Variants in NSUN7 observed in about 807,000 individuals in gnomAD.
NSUN7 encodes protein NSUN7.
NSUN7 carries 39 observed loss-of-function variants against 58.5 expected under a neutral mutation model. The ratio of observed to expected loss-of-function variants is 0.67; its 90% CI spans 0.52 to 0.87. The LOEUF (loss-of-function observed/expected upper bound fraction) is 0.87, where lower values mean the gene tolerates loss of function less well. Ranked by LOEUF, NSUN7 falls within the 40% of genes least tolerant of loss-of-function variation. The pLI is 0.00. For missense variants in NSUN7, 765 were observed against 844.1 expected (o/e 0.91, Z 1.16); for synonymous variants, 278 against 303.7 (o/e 0.92, Z 0.88).
chr4:40,776,200 T>G lies in NSUN7; in HGVS notation c.977T>G (p.Val326Gly), dbSNP rs1221770889. The change falls in exon 7 of 12, where the codon GTA becomes GGA. Residue 326 changes from valine to glycine, a missense_variant. Val to Gly is a moderately radical substitution (Grantham distance 109). Coordinates refer to ENST00000381782, the MANE Select transcript of NSUN7 (RefSeq NM_024677.6). Reference sequence around the variant, plus strand: ...ACCTCAAAAGTATTTGTGTGTGGAGTACAATCACAAGCTAAGGATCCTGAC... The same window carrying G: ...ACCTCAAAAGTATTTGTGTGTGGAGGACAATCACAAGCTAAGGATCCTGAC... ...NNTSKVFVCG[V>G]QSQAKDPDLK... is the part of the protein sequence containing the mutation. 1 of 1,612,204 alleles carries G rather than the reference T, an allele frequency of 6.2e-7. No individual in the cohort carries two copies.
chr4:40,790,160 T>C (rs1373775935), intron 7 of NSUN7, among the ~76,000 whole-genome samples: 2 of 146,484 alleles, frequency 1.4e-5, no homozygotes, highest in East Asian at 4.2e-4. Flanking sequence ...TGCTATATAA[T>C]AGACAGCACG....
intron 7 of NSUN7, among the ~76,000 whole-genome samples, chr4:40,777,120 G>T (rs1023372390): frequency 6.6e-6 from 1 of 152,058 alleles, no homozygotes; most frequent in African/African-American, 2.4e-5. Flanking sequence ...GATTTCACTT[G>T]GAGTCCCGAA....
intron 7 of NSUN7, among the ~76,000 whole-genome samples, chr4:40,784,663 G>A (rs1742725773): frequency 6.6e-6 from 1 of 152,184 alleles, no homozygotes; most frequent in Non-Finnish European, 1.5e-5. Flanking sequence ...ATGAGTATGG[G>A]GTTTCTCTTG....
At chr4:40,786,004 A>G in intron 7 of NSUN7, 1 of 1,401,938 alleles carries the variant, frequency 7.1e-7, no homozygotes, top group Non-Finnish European at 9.5e-7. Flanking sequence ...TGAGTGAAGA[A>G]GAGGGAAGGA....
At chr4:40,785,387 T>G (rs991691438) in intron 7 of NSUN7, among the ~76,000 whole-genome samples, 3 of 151,772 alleles carry the variant, frequency 2.0e-5, no homozygotes, top group Non-Finnish European at 4.4e-5. Context: ...GAGATGGAGT[T>G]TCACTCTTGT....
At chr4:40,758,330 G>T (rs1475222031) in intron 2 of NSUN7, among the ~76,000 whole-genome samples, 1 of 152,162 alleles carries the variant, frequency 6.6e-6, no homozygotes, top group Non-Finnish European at 1.5e-5. Flanking sequence ...AGTACAAAAA[G>T]TATGAAGTAG....
chr4:40,785,863 AG>A (rs1742793261), intron 7 of NSUN7, among the ~76,000 whole-genome samples: 1 of 152,280 alleles, frequency 6.6e-6, no homozygotes, highest in African/African-American at 2.4e-5. Flanking sequence ...ATGCATGATA[AG>A]AAGTTAGAAA....
chr4:40,796,092 G>A (rs1743312701), intron 9 of NSUN7, among the ~76,000 whole-genome samples: 1 of 152,202 alleles, frequency 6.6e-6, no homozygotes, highest in South Asian at 2.1e-4. Context: ...TGGGAGCCAG[G>A]CGTGGTGGCT....
intron 2 of NSUN7, among the ~76,000 whole-genome samples, chr4:40,758,860 G>A (rs566908275): frequency 6.6e-6 from 1 of 152,044 alleles, no homozygotes; most frequent in South Asian, 2.1e-4. Context: ...CCTCCAGCCT[G>A]GGTGACAGAG....
At chr4:40,754,270 C>T (rs1741013052) in intron 2 of NSUN7, among the ~76,000 whole-genome samples, 1 of 151,920 alleles carries the variant, frequency 6.6e-6, no homozygotes, top group Non-Finnish European at 1.5e-5. Context: ...CCTTGGCCTC[C>T]CAAGTAGCTG....
intron 4 of NSUN7, among the ~76,000 whole-genome samples, chr4:40,772,411 G>A (rs995986922): frequency 2.0e-5 from 3 of 152,110 alleles, no homozygotes; most frequent in African/African-American, 7.2e-5. Context: ...AATGTACTAT[G>A]TCATTTTTTT....
At chr4:40,773,626 TA>T (rs1742116422) in intron 4 of NSUN7, among the ~76,000 whole-genome samples, 1 of 149,312 alleles carries the variant, frequency 6.7e-6, no homozygotes. Context: ...GAGGTTGCAG[TA>T]AGCCAAGATC....
intron 4 of NSUN7, chr4:40,773,007 G>A (rs1415304658): frequency 6.6e-6 from 1 of 152,216 alleles, no homozygotes; most frequent in African/African-American, 2.4e-5. Flanking sequence ...AGCCATCATG[G>A]TGATGCTAAC....
rs770830213 is a variant in NSUN7 at position 40,776,203 on chromosome 4, A to C, written c.980A>C (p.Gln327Pro). Reference sequence around the variant, plus strand: ...TCAAAAGTATTTGTGTGTGGAGTACAATCACAAGCTAAGGATCCTGACTTG... The same window carrying C: ...TCAAAAGTATTTGTGTGTGGAGTACCATCACAAGCTAAGGATCCTGACTTG... ...NTSKVFVCGV[Q>P]SQAKDPDLKT... Residue 327 changes from glutamine (Q) to proline (P), a missense_variant, in exon 7 of 12, where the codon CAA becomes CCA. Transcript: ENST00000381782. The C allele has an allele frequency of 1.2e-6, 2 of 1,612,096 alleles. No homozygotes were observed. Among genetic ancestry groups the C allele is most frequent in the Non-Finnish European group, 1.7e-6 (2 of 1,179,378 alleles).
Position 40,775,977 on chromosome 4 carries a change from T to A in NSUN7, c.826-72T>A. The stretch of plus-strand genomic sequence containing the variant: ...TTACTATGAGGTACTTTCTTTTATG[T>A]AAAGCAAATAGAAGTCAGCTTATAT... On this transcript the variant is annotated intron_variant, in intron 6 of 11. Coordinates refer to ENST00000381782, the MANE Select transcript of NSUN7 (RefSeq NM_024677.6). This position sits in a 1 kb window ranked among gnomAD's most constrained non-coding sequence, Gnocchi z 4.3. The A allele has an allele frequency of 1.0e-6, 1 of 966,962 alleles. No homozygotes were observed. Among genetic ancestry groups the A allele is most frequent in the African/African-American group, 1.7e-5 (1 of 60,498 alleles). The allele number at this position is 966,962 out of a possible 1,614,324, so 59.9% of individuals were successfully genotyped here.
At chr4:40,765,610 A>T (rs967137843) in intron 4 of NSUN7, among the ~76,000 whole-genome samples, 2 of 152,050 alleles carry the variant, frequency 1.3e-5, no homozygotes, top group African/African-American at 2.4e-5. Context: ...TTTTCCAATT[A>T]TGTGAAGAAA....
At chr4:40,762,023 T>C (rs1315934375) in intron 4 of NSUN7, among the ~76,000 whole-genome samples, 1 of 152,128 alleles carries the variant, frequency 6.6e-6, no homozygotes, top group Non-Finnish European at 1.5e-5. Context: ...GTCATGAAGA[T>C]TTCACCCTCA....
chr4:40,779,826 A>G (rs572209997), intron 7 of NSUN7, among the ~76,000 whole-genome samples: 1 of 152,312 alleles, frequency 6.6e-6, no homozygotes, highest in South Asian at 2.1e-4. Context: ...AATGTGTCCT[A>G]TGGTTTTTGC....
At chr4:40,771,495 A>G (rs1182546403) in intron 4 of NSUN7, among the ~76,000 whole-genome samples, 1 of 152,098 alleles carries the variant, frequency 6.6e-6, no homozygotes, top group Non-Finnish European at 1.5e-5. Context: ...GAGAGAGAAT[A>G]TGGAAGAGAG....
Sources: allele counts gnomAD v4.1 joint callset (sites outside exome capture counted in the v4.1 genomes callset), GRCh38; gene constraint gnomAD v4.1.1; non-coding constraint Gnocchi (gnomAD v3.1); transcripts MANE v1.5; gene names NCBI Gene and HGNC (gene_info 2026-07-23, HGNC 2026-07-21).